ACSM2A: variants seen among roughly 807,000 people sequenced by gnomAD.
The protein encoded by ACSM2A is acyl-coenzyme A synthetase ACSM2A, mitochondrial.
ACSM2A carries 72 observed loss-of-function variants against 76.6 expected under a neutral mutation model. The observed-to-expected ratio is 0.94, with a 90% CI of 0.78 to 1.14. The LOEUF (loss-of-function observed/expected upper bound fraction) is 1.14. Ranked by LOEUF, ACSM2A falls within the 50% of genes most tolerant of loss-of-function variation. The probability of loss-of-function intolerance (pLI) is 0.00; values close to 1 mark genes in which losing one functional copy is unlikely to be tolerated. For missense variants in ACSM2A, 684 were observed against 708.5 expected (o/e 0.97, Z 0.39); for synonymous variants, 249 against 255.9 (o/e 0.97, Z 0.26).
chr16:20,456,869 T>C (rs2012193775), intron 1 of ACSM2A, among the ~76,000 whole-genome samples: 2 of 148,720 alleles, frequency 1.3e-5, no homozygotes. Context: ...TCTGGTTCTT[T>C]GAAAAGATAA....
chr16:20,465,849 T>G, intron 3 of ACSM2A, 122 bp downstream of exon 3: 2 of 1,443,766 alleles, frequency 1.4e-6, no homozygotes, highest in South Asian at 1.5e-5. Flanking sequence ...CTGTATCATA[T>G]GAAGAAAGAC....
chr16:20,480,867 C>A lies in ACSM2A; in HGVS notation c.1455C>A (p.His485Gln). 1.2e-6 allele frequency: 2 copies of A among 1,613,914 alleles called. No homozygotes were observed. The highest frequency in any genetic ancestry group is 1.7e-6 in the Non-Finnish European group (2 of 1,179,858). The change falls in exon 12 of 14, where the codon CAC becomes CAA. Residue 485 changes from histidine (H) to glutamine (Q), a missense_variant. Transcript: ENST00000573854. ...AGGTAGAGAATGCACTGATGGAGCA[C>A]CCTGCTGTGGTTGAGACGGCTGTGA... ...PSEVENALMEHPAVVETAVIS... is the reference protein window; with the variant it reads ...PSEVENALMEQPAVVETAVIS...
At position 20,476,666 on chromosome 16, in the gene ACSM2A, G is replaced by C. The variant is rs561035773; in HGVS notation, c.1099-703G>C. 9.4e-5 allele frequency: 93 copies of C among 986,910 alleles called. 1 individual carries two copies. The African/African-American group carries it at 1.1e-3, about 11-fold the overall frequency. 61.1% of individuals were successfully genotyped at this position (986,910 alleles called of 1,614,324 possible). On this transcript the variant is annotated intron_variant, in intron 8 of 13. Transcript: ENST00000573854. Reference sequence around the variant, plus strand: ...CAGCAGCCTCTCTTCTGAGGTGGGTGGATAAACTTGCCCTTTCCAGCACAG... The same window carrying C: ...CAGCAGCCTCTCTTCTGAGGTGGGTCGATAAACTTGCCCTTTCCAGCACAG...
intron 3 of ACSM2A, among the ~76,000 whole-genome samples, chr16:20,467,290 T>C (rs1292046093): frequency 6.6e-6 from 1 of 151,718 alleles, no homozygotes; most frequent in African/African-American, 2.4e-5. Context: ...TTGGTAAGAG[T>C]TGTGGACATT....
At chr16:20,457,622 AT>A (rs1246695880) in intron 1 of ACSM2A, among the ~76,000 whole-genome samples, 1 of 152,078 alleles carries the variant, frequency 6.6e-6, no homozygotes, top group Non-Finnish European at 1.5e-5. Flanking sequence ...GCATCCTCTT[AT>A]GATTAAAACC....
chr16:20,476,449 C>T lies in ACSM2A; in HGVS notation c.1098+676C>T, dbSNP rs765233079. ...GCATCCTTCTTTGGCTAATGAGTAC[C>T]CTTGGAAGAACTTTTGCAGAAGGTT... is the stretch of plus-strand genomic sequence containing the variant. On this transcript the variant is annotated intron_variant, in intron 8 of 13. Coordinates refer to ENST00000573854, the MANE Select transcript of ACSM2A (RefSeq NM_001308172.2). 11 of 985,312 alleles carry T rather than the reference C, an allele frequency of 1.1e-5. No individual in the cohort carries two copies. In the South Asian group the frequency reaches 5.2e-4, roughly 46 times the overall value. The allele number at this position is 985,312 out of a possible 1,614,324, so 61.0% of individuals were successfully genotyped here.
Position 20,475,772 on chromosome 16 carries a change from C to CCA in ACSM2A, c.1097_1098insCA (p.Gly367ArgfsTer3), listed in dbSNP as rs760212019. The CCA allele has an allele frequency of 6.2e-7, 1 of 1,613,820 alleles. No homozygotes were observed. The highest frequency in any genetic ancestry group is 1.3e-5 in the African/African-American group (1 of 75,002). Reference sequence around the variant, plus strand: ...CGAGAATCCTATGGCCAGACAGAAACGGTACCTGTTCCCAGGGGAACCATG... The same window carrying CCA: ...CGAGAATCCTATGGCCAGACAGAAACCAGGTACCTGTTCCCAGGGGAACCATG... On this transcript the variant is annotated frameshift_variant and splice_region_variant, in exon 8 of 14. Coordinates refer to ENST00000573854, the MANE Select transcript of ACSM2A (RefSeq NM_001308172.2). LOFTEE classifies it high-confidence loss of function.
chr16:20,452,409 A>C (rs951456518), intron 1 of ACSM2A: 8 of 136,568 alleles, frequency 5.9e-5, no homozygotes, highest in African/African-American at 2.4e-4. Flanking sequence ...TTGGAACTCA[A>C]ACTGGCTCTC....
rs981475451 is a variant in ACSM2A at position 20,480,686 on chromosome 16, C to T, written c.1395C>T (p.Ile465=). The T allele has an allele frequency of 9.0e-5, 120 of 1,332,768 alleles. No individual in the cohort carries two copies. The highest frequency in any genetic ancestry group is 1.2e-4 in the Non-Finnish European group (114 of 959,374). The allele number at this position is 1,332,768 out of a possible 1,614,324, so 82.6% of individuals were successfully genotyped here. The change falls in exon 11 of 14, where the codon ATC becomes ATT. Residue 465 remains isoleucine (I), a synonymous_variant. Coordinates refer to ENST00000573854, the MANE Select transcript of ACSM2A (RefSeq NM_001308172.2). ...AGTTTATGGGACGGGCAAATGATATCATTAACTCCAGCGGGTGAGCTTGGT... is the reference window on the plus strand; with the variant it reads ...AGTTTATGGGACGGGCAAATGATATTATTAACTCCAGCGGGTGAGCTTGGT... ...YFQFMGRAND[I]INSSGYRIGP... is the part of the protein sequence containing the mutation.
At chr16:20,472,251 T>G (rs1355235687) in intron 6 of ACSM2A, among the ~76,000 whole-genome samples, 1 of 152,148 alleles carries the variant, frequency 6.6e-6, no homozygotes, top group African/African-American at 2.4e-5. Flanking sequence ...ATAACAGACA[T>G]TTACTTCTCA....
intron 2 of ACSM2A, among the ~76,000 whole-genome samples, chr16:20,462,691 A>C (rs2012699059): frequency 6.6e-6 from 1 of 152,166 alleles, no homozygotes; most frequent in Admixed American, 6.5e-5. Flanking sequence ...TTTTACAATA[A>C]AACAGAGAAA....
chr16:20,469,513 T>A lies in ACSM2A; in HGVS notation c.390T>A (p.Gly130=). 6.2e-7 allele frequency: 1 copy of A among 1,612,182 alleles called. No individual in the cohort carries two copies. Among genetic ancestry groups the A allele is most frequent in the South Asian group, 1.1e-5 (1 of 91,032 alleles). The change falls in exon 4 of 14, where the codon GGT becomes GGA. Residue 130 remains glycine, a splice_region_variant and synonymous_variant. Coordinates refer to ENST00000573854, the MANE Select transcript of ACSM2A (RefSeq NM_001308172.2). ...TCTCTAAATTGTTGGCTTCTTTAGG[T>A]CTCATCTTTATGCCTGGAACCATCC... ...WLVILGCIRA[G]LIFMPGTIQM...
rs753387905 is a variant in ACSM2A, at chr16:20,480,553, T to C, written c.1282-20T>C. 4.3e-6 allele frequency: 7 copies of C among 1,611,230 alleles called. No individual in the cohort carries two copies. The highest frequency in any genetic ancestry group is 5.1e-6 in the Non-Finnish European group (6 of 1,178,592). On this transcript the variant is annotated intron_variant, in intron 10 of 13. Coordinates refer to ENST00000573854, the MANE Select transcript of ACSM2A (RefSeq NM_001308172.2). ...TTAGGCTTTGCAGGCACAATGACTC[T>C]GTCTTTCTGTGGTCACCAGGACAAT...
At chr16:20,466,447 A>G (rs2013001751) in intron 3 of ACSM2A, among the ~76,000 whole-genome samples, 1 of 152,088 alleles carries the variant, frequency 6.6e-6, no homozygotes, top group Non-Finnish European at 1.5e-5. Context: ...TTCCCAGAAA[A>G]GCCAAACACT....
In ACSM2A at chr16:20,480,473, T is replaced by C. The variant is rs907961113; in HGVS notation, c.1282-100T>C. On this transcript the variant is annotated intron_variant, in intron 10 of 13. Coordinates refer to ENST00000573854, the MANE Select transcript of ACSM2A (RefSeq NM_001308172.2). ...ATGTTCAGGTTATACACTGCACACCTGCAGTTTTAATAAGACTCATAGCAT... is the reference window on the plus strand; with the variant it reads ...ATGTTCAGGTTATACACTGCACACCCGCAGTTTTAATAAGACTCATAGCAT... 3.3e-6 allele frequency: 5 copies of C among 1,522,812 alleles called. No homozygotes were observed. The African/African-American group carries it at 4.2e-5, about 13-fold the overall frequency. The allele number at this position is 1,522,812 out of a possible 1,614,324, so 94.3% of individuals were successfully genotyped here.
At position 20,482,623 on chromosome 16, in the gene ACSM2A, G is replaced by A. The variant is rs184954000; in HGVS notation, c.1510-435G>A. On this transcript the variant is annotated intron_variant, in intron 12 of 13. Transcript: ENST00000573854. ...CTGCTGAGAAAATCCTGTGTGCCCA[G>A]CTCTGAGCTAGCCCTGCTGTATATG... 4.2e-5 allele frequency: 7 copies of A among 164,928 alleles called. No individual in the cohort carries two copies. The East Asian group carries it at 9.7e-4, about 23-fold the overall frequency. The allele number at this position is 164,928 out of a possible 1,614,324, so 10.2% of individuals were successfully genotyped here.
In ACSM2A at chr16:20,469,510, A is replaced by G. The variant is rs1210175974; in HGVS notation, c.389-2A>G. 8 of 1,611,698 alleles carry G rather than the reference A, an allele frequency of 5.0e-6. No homozygotes were observed. In the South Asian group the frequency reaches 8.8e-5, roughly 18 times the overall value. On this transcript the variant is annotated splice_acceptor_variant, in intron 3 of 13. Transcript: ENST00000573854. LOFTEE classifies it high-confidence loss of function. ...AATTCTCTAAATTGTTGGCTTCTTT[A>G]GGTCTCATCTTTATGCCTGGAACCA...
chr16:20,483,418 A>C (rs1277332269), intron 13 of ACSM2A, among the ~76,000 whole-genome samples: 2 of 151,592 alleles, frequency 1.3e-5, no homozygotes, highest in African/African-American at 4.9e-5. Context: ...CAAAATGCAA[A>C]AATTAGCCCG....
At chr16:20,474,064 A>G (rs1700800) in intron 6 of ACSM2A, 155,600 of 446,564 alleles carry the variant, frequency 0.35, 30,121 homozygotes, top group East Asian at 0.79. Context: ...AAACCAATGT[A>G]TTTTTTAAAT....
Sources: allele counts gnomAD v4.1 joint callset (sites outside exome capture counted in the v4.1 genomes callset), GRCh38; gene constraint gnomAD v4.1.1; transcripts MANE v1.5; gene names NCBI Gene and HGNC (gene_info 2026-07-23, HGNC 2026-07-21).